Variants in TNKS observed in about 807,000 individuals in gnomAD.
TNKS encodes tankyrase.
In TNKS, 72 loss-of-function variants were observed where a neutral mutation model predicts 135.8. The ratio of observed to expected loss-of-function variants is 0.53; its 90% CI spans 0.44 to 0.64. The LOEUF (loss-of-function observed/expected upper bound fraction) is 0.64. Ranked by LOEUF, TNKS falls within the 30% of genes least tolerant of loss-of-function variation. The pLI, the probability that TNKS is intolerant of heterozygous loss-of-function variation, is 0.00. For missense variants in TNKS, 1,769 were observed against 1,674.0 expected (o/e 1.06, Z -0.99); for synonymous variants, 849 against 649.3 (o/e 1.31, Z -4.68).
At chr8:9,761,738 A>T in intron 21 of TNKS, 102 bp downstream of exon 21, 1 of 1,235,280 alleles carries the variant, frequency 8.1e-7, no homozygotes, top group South Asian at 1.4e-5. Context: ...AGAACCATAC[A>T]CTGAACTATT....
intron 2 of TNKS, among the ~76,000 whole-genome samples, chr8:9,587,972 A>T (rs1798452417): frequency 6.6e-6 from 1 of 152,216 alleles, no homozygotes. Context: ...CACTGAGGAT[A>T]AGTAGCAGTT....
At position 9,612,485 on chromosome 8, in the gene TNKS, C is replaced by T. The variant is rs1467881721; in HGVS notation, c.899-3097C>T. On this transcript the variant is annotated intron_variant, in intron 2 of 26. Transcript: ENST00000310430. The stretch of plus-strand genomic sequence containing the variant: ...AGGGTCAGGGGTCAGCAAAATGGTC[C>T]GTAGGCCAAACCCAGCCTATCTCTT... Among the ~76,000 whole-genome samples the T allele has an allele frequency of 3.9e-5, 6 of 152,052 alleles. No homozygotes were observed. In the East Asian group the frequency reaches 9.6e-4, roughly 24 times the overall value.
chr8:9,573,071 A>T (rs886583330), intron 1 of TNKS, among the ~76,000 whole-genome samples: 1 of 151,994 alleles, frequency 6.6e-6, no homozygotes, highest in Non-Finnish European at 1.5e-5. Flanking sequence ...CATATTTTAG[A>T]TTCTAGTTTT....
rs771819603 is a variant in TNKS, at chr8:9,615,680, A to G, written c.994+3A>G. 9 of 1,606,146 alleles carry G rather than the reference A, an allele frequency of 5.6e-6. No homozygotes were observed. The South Asian group carries it at 1.0e-4, about 18-fold the overall frequency. ...TTCAGCAAAAGCTGTCCTTACAGGT[A>G]AGAAGACAGAGAGCTACCGAATGAT... On this transcript the variant is annotated splice_donor_region_variant and intron_variant, in intron 3 of 26. Coordinates refer to ENST00000310430, the MANE Select transcript of TNKS (RefSeq NM_003747.3).
chr8:9,660,033 C>A (rs1168840589), intron 3 of TNKS, among the ~76,000 whole-genome samples: 1 of 152,092 alleles, frequency 6.6e-6, no homozygotes, highest in African/African-American at 2.4e-5. Flanking sequence ...CAAGACTGAA[C>A]CAGGAAGAAG....
At chr8:9,679,813 G>GT (rs1802702048) in intron 3 of TNKS, 138 bp from the exon 4 acceptor site, 2 of 633,078 alleles carry the variant, frequency 3.2e-6, no homozygotes, top group Admixed American at 5.2e-5. Context: ...GCTGGCTAAC[G>GT]TCACGGCTCC....
rs553714223 is a variant in TNKS, at chr8:9,590,445, C to A, written c.898+10062C>A. Among the ~76,000 whole-genome samples, 7 of 152,302 alleles carry A rather than the reference C, an allele frequency of 4.6e-5. No homozygotes were observed. In the East Asian group the frequency reaches 1.4e-3, roughly 29 times the overall value. On this transcript the variant is annotated intron_variant, in intron 2 of 26. Coordinates refer to ENST00000310430, the MANE Select transcript of TNKS (RefSeq NM_003747.3). ...TCATGTTTTATTTTACACCATAGCA[C>A]TTATTACCTGGAATTATATCCTTAT...
chr8:9,678,669 A>G (rs1377261680), intron 3 of TNKS, among the ~76,000 whole-genome samples: 2 of 152,220 alleles, frequency 1.3e-5, no homozygotes, highest in Non-Finnish European at 2.9e-5. Flanking sequence ...GGGTTATAGC[A>G]TTTAAGTATG....
chr8:9,568,873 C>T (rs1417021645), intron 1 of TNKS, among the ~76,000 whole-genome samples: 4 of 152,124 alleles, frequency 2.6e-5, no homozygotes, highest in African/African-American at 7.2e-5. Flanking sequence ...GAATCTGAAG[C>T]CAAATCAGTG....
intron 17 of TNKS, among the ~76,000 whole-genome samples, chr8:9,742,741 A>C: frequency 6.7e-6 from 1 of 148,858 alleles, no homozygotes; most frequent in East Asian, 1.9e-4. Flanking sequence ...TTTAAAATAT[A>C]ATGAATTAAA....
intron 26 of TNKS, among the ~76,000 whole-genome samples, chr8:9,772,844 T>G (rs868143518): frequency 1.6e-3 from 218 of 138,820 alleles, no homozygotes; most frequent in South Asian, 6.1e-3. Context: ...TGTGTGTGTG[T>G]GTGTGTGTGT....
chr8:9,775,047 GGTAGAT>G, intron 26 of TNKS, among the ~76,000 whole-genome samples: 1 of 152,154 alleles, frequency 6.6e-6, no homozygotes, highest in South Asian at 2.1e-4. Context: ...GTTCTTATGT[GGTAGAT>G]GCTCAATACA....
At chr8:9,650,938 C>G (rs1248919220) in intron 3 of TNKS, among the ~76,000 whole-genome samples, 1 of 152,066 alleles carries the variant, frequency 6.6e-6, no homozygotes, top group East Asian at 1.9e-4. Context: ...TCTAGAATTT[C>G]TGTTGTTTCA....
chr8:9,657,925 G>T (rs1436939895), intron 3 of TNKS, among the ~76,000 whole-genome samples: 1 of 81,584 alleles, frequency 1.2e-5, no homozygotes, highest in Non-Finnish European at 2.6e-5. Flanking sequence ...CTTCTCAGAC[G>T]GGGCGGCCGG....
intron 3 of TNKS, among the ~76,000 whole-genome samples, chr8:9,672,575 T>G (rs1403301695): frequency 1.3e-5 from 2 of 151,292 alleles, no homozygotes; most frequent in Non-Finnish European, 2.9e-5. Flanking sequence ...TAAAAACTAT[T>G]GCCAAGTTGT....
At chr8:9,765,966 C>T (rs1340862445) in intron 24 of TNKS, among the ~76,000 whole-genome samples, 169 bp downstream of exon 24, 1 of 152,188 alleles carries the variant, frequency 6.6e-6, no homozygotes. Context: ...ATGTATCACA[C>T]ATCAGTACAG....
At chr8:9,637,566 C>T (rs142431395) in intron 3 of TNKS, among the ~76,000 whole-genome samples, 2 of 152,172 alleles carry the variant, frequency 1.3e-5, no homozygotes, top group South Asian at 2.1e-4. Context: ...AAAAATGACT[C>T]TTGTTTTGAA....
At chr8:9,751,168 T>C (rs998617685) in intron 18 of TNKS, among the ~76,000 whole-genome samples, 2 of 152,226 alleles carry the variant, frequency 1.3e-5, no homozygotes. Context: ...AGCAGTTGCA[T>C]CTAATACTTA....
chr8:9,671,216 C>A (rs1473833226), intron 3 of TNKS: 2 of 152,082 alleles, frequency 1.3e-5, no homozygotes, highest in African/African-American at 2.4e-5. Flanking sequence ...TAAACAGATA[C>A]TTATGATATA....
Sources: allele counts gnomAD v4.1 joint callset (sites outside exome capture counted in the v4.1 genomes callset), GRCh38; gene constraint gnomAD v4.1.1; transcripts MANE v1.5; gene names NCBI Gene and HGNC (gene_info 2026-07-23, HGNC 2026-07-21).